The following EDA variants were observed in gnomAD, a reference collection of about 807,000 sequenced individuals.
The protein encoded by EDA is ectodysplasin A, also known as ectodysplasin-A.
A neutral mutation model predicts 23.6 loss-of-function variants in EDA; 2 were observed. That is an observed-to-expected ratio of 0.08 (90% CI 0.03 to 0.27). The LOEUF is 0.27. EDA is among the 10% of genes least tolerant of loss of function. The probability of loss-of-function intolerance (pLI) is 1.00; values close to 1 mark genes in which losing one functional copy is unlikely to be tolerated. For missense variants in EDA, 229 were observed against 324.2 expected, an observed-to-expected ratio of 0.71 and a Z score of 2.26; for synonymous variants, 131 against 132.0, an observed-to-expected ratio of 0.99 and a Z score of 0.05.
intron 5 of EDA, among the ~76,000 whole-genome samples, chrX:70,029,946 C>G (rs1013640485): frequency 2.7e-5 from 3 of 112,331 alleles, no homozygotes; most frequent in Non-Finnish European, 5.6e-5. Flanking sequence ...GAAAAACAGC[C>G]AACCAGCTCC....
At chrX:69,753,624 G>T (rs1262679779) in intron 1 of EDA, among the ~76,000 whole-genome samples, 1 of 111,386 alleles carries the variant, frequency 9.0e-6, no homozygotes, top group Non-Finnish European at 1.9e-5. Context: ...TCAATTCCTG[G>T]ATATCCTTGT....
intron 1 of EDA, among the ~76,000 whole-genome samples, chrX:69,764,246 T>A (rs1209689632): frequency 1.2e-5 from 1 of 82,089 alleles, no homozygotes; most frequent in Admixed American, 1.4e-4. Flanking sequence ...TTTTTTTTTT[T>A]TTTTTTTTTT....
At chrX:69,666,865 T>A (rs1033726126) in intron 1 of EDA, among the ~76,000 whole-genome samples, 7 of 111,722 alleles carry the variant, frequency 6.3e-5, no homozygotes, top group Non-Finnish European at 1.3e-4. Context: ...GAAGTATTGG[T>A]GTTAATTCTT....
chrX:69,619,380 A>G (rs1189853540), intron 1 of EDA, among the ~76,000 whole-genome samples: 1 of 111,895 alleles, frequency 8.9e-6, no homozygotes, highest in Non-Finnish European at 1.9e-5. Flanking sequence ...TTATGAGATG[A>G]TGGGCTCTGG....
chrX:69,689,231 A>G (rs1454914755), intron 1 of EDA, among the ~76,000 whole-genome samples: 1 of 107,644 alleles, frequency 9.3e-6, no homozygotes, highest in African/African-American at 3.4e-5. Context: ...TATTATTATT[A>G]TTATACTTTA....
At chrX:69,620,746 A>G in intron 1 of EDA, 1 of 273,079 alleles carries the variant, frequency 3.7e-6, no homozygotes, top group Non-Finnish European at 6.8e-6. Context: ...AGAGCTCCTT[A>G]GAAATCTGCC....
At chrX:70,022,577 C>A (rs964746489) in intron 2 of EDA, among the ~76,000 whole-genome samples, 3 of 110,225 alleles carry the variant, frequency 2.7e-5, no homozygotes, top group African/African-American at 9.9e-5. Flanking sequence ...ACCTCGTGAT[C>A]CACCCGCCTC....
At chrX:69,999,688 G>C (rs1300330746) in intron 2 of EDA, among the ~76,000 whole-genome samples, 1 of 108,429 alleles carries the variant, frequency 9.2e-6, no homozygotes. Flanking sequence ...AGATATTACA[G>C]AACAAAACAG....
At chrX:69,733,534 A>G (rs1167104141) in intron 1 of EDA, among the ~76,000 whole-genome samples, 9 of 112,098 alleles carry the variant, frequency 8.0e-5, no homozygotes, top group Non-Finnish European at 1.1e-4. Flanking sequence ...GTCAGGTAGC[A>G]TGATGCCTCC....
chrX:69,910,613 G>A (rs746583560), intron 1 of EDA, among the ~76,000 whole-genome samples: 28 of 110,304 alleles, frequency 2.5e-4, no homozygotes, highest in Non-Finnish European at 4.2e-4. Flanking sequence ...ACAGGTCCCT[G>A]AGGCTCTGCT....
At chrX:69,910,642 T>C (rs1322358020) in intron 1 of EDA, among the ~76,000 whole-genome samples, 3 of 110,930 alleles carry the variant, frequency 2.7e-5, no homozygotes, top group African/African-American at 9.8e-5. Context: ...CCAATCTTTT[T>C]CCTTCCTATT....
intron 1 of EDA, among the ~76,000 whole-genome samples, chrX:69,712,675 T>C (rs1429079787): frequency 9.0e-6 from 1 of 110,947 alleles, no homozygotes; most frequent in Non-Finnish European, 1.9e-5. Flanking sequence ...GATCTATAAC[T>C]AGAAATACCA....
At chrX:69,766,372 C>T (rs1195724079) in intron 1 of EDA, among the ~76,000 whole-genome samples, 1 of 110,643 alleles carries the variant, frequency 9.0e-6, no homozygotes, top group Non-Finnish European at 1.9e-5. Flanking sequence ...GAGATTATTT[C>T]ATCACCCAGA....
At chrX:69,940,029 G>A (rs1179557351) in intron 1 of EDA, among the ~76,000 whole-genome samples, 1 of 110,895 alleles carries the variant, frequency 9.0e-6, no homozygotes, top group Admixed American at 9.5e-5. Context: ...GTTTATCAGG[G>A]ATATTGGCTT....
intron 1 of EDA, among the ~76,000 whole-genome samples, chrX:69,653,200 G>GT (rs1402941904): frequency 1.8e-5 from 2 of 111,432 alleles, no homozygotes; most frequent in African/African-American, 6.5e-5. Flanking sequence ...CACATCCCTT[G>GT]TAAGTTGGAT....
chrX:69,834,584 C>G (rs1404313230), intron 1 of EDA, among the ~76,000 whole-genome samples: 1 of 104,724 alleles, frequency 9.5e-6, no homozygotes, highest in African/African-American at 3.5e-5. Context: ...TCCTCCATCC[C>G]TTTATTTTGA....
chrX:69,735,287 A>G (rs1307901381), intron 1 of EDA, among the ~76,000 whole-genome samples: 1 of 110,935 alleles, frequency 9.0e-6, no homozygotes, highest in Non-Finnish European at 1.9e-5. Context: ...TGGTATAACA[A>G]TGGTGAATAT....
intron 1 of EDA, chrX:69,617,412 G>A (rs1449742878): frequency 1.5e-5 from 2 of 137,488 alleles, no homozygotes; most frequent in African/African-American, 3.3e-5. Context: ...GGGTAGGTGT[G>A]CGGTGGGAAG....
intron 1 of EDA, among the ~76,000 whole-genome samples, chrX:69,777,567 T>A (rs1268050951): frequency 9.0e-6 from 1 of 111,205 alleles, no homozygotes; most frequent in African/African-American, 3.3e-5. Flanking sequence ...TTAATCTCTC[T>A]GATAGTGCTT....
Sources: gnomAD v4.1 joint callset for allele counts (sites outside exome capture counted in the v4.1 genomes callset) on GRCh38, gnomAD v4.1.1 for gene constraint, MANE v1.5 for transcripts, NCBI Gene and HGNC (gene_info 2026-07-23, HGNC 2026-07-21) for gene names.